Variants in CLSTN2 observed in about 807,000 individuals in gnomAD.
CLSTN2 encodes the protein calsyntenin 2.
CLSTN2 carries 48 observed loss-of-function variants against 101.2 expected under a neutral mutation model. The observed-to-expected ratio is 0.47, with a 90% CI of 0.38 to 0.60. The LOEUF is 0.60. Ranked by LOEUF, CLSTN2 falls within the 20% of genes least tolerant of loss-of-function variation. The probability of loss-of-function intolerance (pLI) is 0.00; values close to 1 mark genes in which losing one functional copy is unlikely to be tolerated. For missense variants in CLSTN2, 1,160 were observed against 1,238.2 expected, an observed-to-expected ratio of 0.94 and a Z score of 0.95; for synonymous variants, 481 against 463.6, an observed-to-expected ratio of 1.04 and a Z score of -0.48.
chr3:139,950,470 A>AT (rs1173253958), intron 1 of CLSTN2, among the ~76,000 whole-genome samples: 2 of 152,040 alleles, frequency 1.3e-5, no homozygotes, highest in Admixed American at 6.6e-5. Flanking sequence ...AGAATAGACC[A>AT]TTTTTTCTGT....
chr3:140,299,977 C>A (rs755074637), intron 2 of CLSTN2, among the ~76,000 whole-genome samples: 2 of 152,132 alleles, frequency 1.3e-5, no homozygotes, highest in Non-Finnish European at 2.9e-5. Context: ...TGTGTACAGC[C>A]TTGCCTTTTG....
At chr3:140,418,855 G>A (rs575638537) in intron 4 of CLSTN2, among the ~76,000 whole-genome samples, 4 of 151,910 alleles carry the variant, frequency 2.6e-5, no homozygotes, top group Non-Finnish European at 4.4e-5. Context: ...GGGCAACTTC[G>A]TATTCCCTCC....
At chr3:140,372,109 A>G (rs2087864902) in intron 2 of CLSTN2, among the ~76,000 whole-genome samples, 1 of 152,116 alleles carries the variant, frequency 6.6e-6, no homozygotes, top group South Asian at 2.1e-4. Flanking sequence ...AGCTTTGTCT[A>G]CTGTTGCCCT....
intron 1 of CLSTN2, among the ~76,000 whole-genome samples, chr3:140,033,666 C>T (rs529805797): frequency 7.2e-5 from 11 of 152,288 alleles, no homozygotes; most frequent in East Asian, 1.9e-4. Flanking sequence ...AAAGAAGAGA[C>T]GCAGAATATT....
chr3:140,154,438 A>G (rs949285202), intron 1 of CLSTN2, among the ~76,000 whole-genome samples: 1 of 152,046 alleles, frequency 6.6e-6, no homozygotes, highest in Admixed American at 6.6e-5. Context: ...ACTTTATTCT[A>G]AGTGTGGTGG....
intron 5 of CLSTN2, among the ~76,000 whole-genome samples, chr3:140,444,662 G>A (rs1933035114): frequency 6.6e-6 from 1 of 152,114 alleles, no homozygotes; most frequent in East Asian, 1.9e-4. Context: ...ATATCTATTG[G>A]TCATGGTCCT....
At chr3:140,398,998 G>A (rs564953235) in intron 2 of CLSTN2, among the ~76,000 whole-genome samples, 9 of 152,194 alleles carry the variant, frequency 5.9e-5, no homozygotes, top group Non-Finnish European at 1.0e-4. Flanking sequence ...GCCCTGAAGG[G>A]GGCTCTTGGT....
chr3:140,444,188 G>T (rs1353341106), intron 5 of CLSTN2, among the ~76,000 whole-genome samples: 4 of 152,198 alleles, frequency 2.6e-5, no homozygotes, highest in African/African-American at 9.7e-5. Flanking sequence ...CTAGCACTTT[G>T]GAAGGCTGAT....
At chr3:140,381,814 C>T (rs1329964456) in intron 2 of CLSTN2, among the ~76,000 whole-genome samples, 1 of 152,190 alleles carries the variant, frequency 6.6e-6, no homozygotes, top group East Asian at 1.9e-4. Context: ...TGGAGCTTTC[C>T]ATTATTACAC....
At chr3:139,989,306 C>T (rs575426235) in intron 1 of CLSTN2, among the ~76,000 whole-genome samples, 1 of 152,322 alleles carries the variant, frequency 6.6e-6, no homozygotes, top group East Asian at 1.9e-4. Flanking sequence ...TTTCTGTAGC[C>T]ATCACAGCTC....
chr3:139,987,703 A>G (rs1936049919), intron 1 of CLSTN2, among the ~76,000 whole-genome samples: 1 of 152,222 alleles, frequency 6.6e-6, no homozygotes, highest in African/African-American at 2.4e-5. Context: ...GGAGGTTGCC[A>G]GGTCTTCTGC....
At chr3:140,129,379 G>C (rs940858516) in intron 1 of CLSTN2, among the ~76,000 whole-genome samples, 1 of 152,144 alleles carries the variant, frequency 6.6e-6, no homozygotes, top group African/African-American at 2.4e-5. Flanking sequence ...TCTTAGGTCA[G>C]GTGGACCTAA....
At position 140,178,281 on chromosome 3, in the gene CLSTN2, A is replaced by T. The variant is rs187186730; in HGVS notation, c.232+2208A>T. ...GCAAATCTGGTATTTGAAAGTTTGGACTTACAAAAGGTTATTTAAGTTTGT... is the reference window on the plus strand; with the variant it reads ...GCAAATCTGGTATTTGAAAGTTTGGTCTTACAAAAGGTTATTTAAGTTTGT... On this transcript the variant is annotated intron_variant, in intron 2 of 16. Transcript: ENST00000458420. Among the ~76,000 whole-genome samples, 28 of 152,286 alleles carry T rather than the reference A, an allele frequency of 1.8e-4. No individual in the cohort carries two copies. The East Asian group carries it at 5.2e-3, about 28-fold the overall frequency.
chr3:140,561,262 G>A (rs1237277564), intron 12 of CLSTN2, among the ~76,000 whole-genome samples: 12 of 152,238 alleles, frequency 7.9e-5, no homozygotes, highest in Admixed American at 7.9e-4. Flanking sequence ...GATGGGGATA[G>A]TAATAGTACC....
At chr3:140,122,910 G>A (rs1231146164) in intron 1 of CLSTN2, among the ~76,000 whole-genome samples, 1 of 152,160 alleles carries the variant, frequency 6.6e-6, no homozygotes, top group Non-Finnish European at 1.5e-5. Context: ...GCCATGAGCT[G>A]GGTGTGGCCA....
At chr3:140,478,673 A>G (rs182458457) in intron 8 of CLSTN2, among the ~76,000 whole-genome samples, 54 of 152,320 alleles carry the variant, frequency 3.5e-4, no homozygotes, top group African/African-American at 1.3e-3. Context: ...GCACAACTAT[A>G]TAAATTTACT....
At chr3:139,976,207 G>A (rs749458301) in intron 1 of CLSTN2, among the ~76,000 whole-genome samples, 4 of 152,126 alleles carry the variant, frequency 2.6e-5, no homozygotes, top group Non-Finnish European at 5.9e-5. Context: ...CCTGGGGATC[G>A]GGAGCCTCCT....
chr3:140,184,107 G>A (rs1341129058), intron 2 of CLSTN2, among the ~76,000 whole-genome samples: 2 of 152,166 alleles, frequency 1.3e-5, no homozygotes, highest in Non-Finnish European at 2.9e-5. Flanking sequence ...GCTGTAGGCT[G>A]GCTGTTCTGT....
intron 2 of CLSTN2, among the ~76,000 whole-genome samples, chr3:140,178,405 A>G (rs2010356971): frequency 1.3e-5 from 2 of 152,230 alleles, no homozygotes; most frequent in Non-Finnish European, 2.9e-5. Context: ...AACTTGAATT[A>G]GTATTCTGAC....
Sources: allele counts gnomAD v4.1 joint callset (sites outside exome capture counted in the v4.1 genomes callset), GRCh38; gene constraint gnomAD v4.1.1; transcripts MANE v1.5; gene names NCBI Gene and HGNC (gene_info 2026-07-23, HGNC 2026-07-21).